Variants in OR2G6 observed in about 807,000 individuals in gnomAD.
The protein encoded by OR2G6 is olfactory receptor 2G6.
For missense variants in OR2G6, 457 were observed against 391.3 expected (o/e 1.17, Z -1.42); for synonymous variants, 183 against 155.2 (o/e 1.18, Z -1.33).
chr1:248,522,302 G>C lies in OR2G6; in HGVS notation c.656G>C (p.Gly219Ala), dbSNP rs902460589. The change falls in exon 2 of 2, where the codon GGC (glycine) becomes GCC (alanine). Residue 219 changes from glycine (G) to alanine (A), a missense_variant. Transcript: ENST00000641804. Reference sequence around the variant, plus strand: ...GTGTTACTCATCTTAGTCTCCTATGGCTTTATCACTCAAGCTGTGTTAAGG... The same window carrying C: ...GTGTTACTCATCTTAGTCTCCTATGCCTTTATCACTCAAGCTGTGTTAAGG... The part of the protein sequence containing the change: ...VPVLLILVSY[G>A]FITQAVLRIK... 8 of 1,614,128 alleles carry C rather than the reference G, an allele frequency of 5.0e-6. No individual in the cohort carries two copies. Among genetic ancestry groups the C allele is most frequent in the Non-Finnish European group, 6.8e-6 (8 of 1,180,034 alleles).
At position 248,522,345 on chromosome 1, in the gene OR2G6, C is replaced by T. The variant is rs965792185; in HGVS notation, c.699C>T (p.Gly233=). Residue 233 remains glycine (G), a synonymous_variant, in exon 2 of 2, where the codon GGC becomes GGT. Transcript: ENST00000641804. Reference sequence around the variant, plus strand: ...TGTTAAGGATAAAATCAGCTGCGGGCCGCCAAAAGGCCTTTGGGACCTGTT... The same window carrying T: ...TGTTAAGGATAAAATCAGCTGCGGGTCGCCAAAAGGCCTTTGGGACCTGTT... ...QAVLRIKSAA[G]RQKAFGTCSS... 1.2e-6 allele frequency: 2 copies of T among 1,614,196 alleles called. No homozygotes were observed. The highest frequency in any genetic ancestry group is 1.1e-5 in the South Asian group (1 of 91,084).
intron 1 of OR2G6, among the ~76,000 whole-genome samples, chr1:248,520,427 A>T (rs1378896220): frequency 2.0e-5 from 3 of 152,206 alleles, no homozygotes; most frequent in Non-Finnish European, 4.4e-5. Context: ...TTTAAAAAAA[A>T]GTTTGCTTTG....
rs914742011 is a variant in OR2G6 at position 248,526,711 on chromosome 1, T to G, written c.*4114T>G. Reference sequence around the variant, plus strand: ...CCATTCTAACTGGTGTGAGATGATATCTCATTGTGGTTTTGATTTGCATTT... The same window carrying G: ...CCATTCTAACTGGTGTGAGATGATAGCTCATTGTGGTTTTGATTTGCATTT... On this transcript the variant is annotated 3_prime_UTR_variant, in exon 2 of 2. Coordinates refer to ENST00000641804, the MANE Select transcript of OR2G6 (RefSeq NM_001013355.2). The G allele has an allele frequency of 1.2e-5, 1 of 82,914 alleles. No homozygotes were observed. The highest frequency in any genetic ancestry group is 1.4e-4 in the Admixed American group (1 of 7,098). The allele number at this position is 82,914 out of a possible 1,614,324, so 5.1% of individuals were successfully genotyped here. A position where few individuals can be genotyped will look rare whatever the true frequency, so the allele number is the denominator to read the frequency against.
rs376681900 is a variant in OR2G6 at position 248,521,994 on chromosome 1, C to T, written c.348C>T (p.Ala116=). 158 of 1,614,134 alleles carry T rather than the reference C, an allele frequency of 9.8e-5. 3 individuals carry two copies. The highest frequency in any genetic ancestry group is 6.7e-4 in the East Asian group (30 of 44,882). The change falls in exon 2 of 2, where the codon GCC becomes GCT. Residue 116 remains alanine, a synonymous_variant. Transcript: ENST00000641804. The part of the protein sequence containing the change: ...GLGSSECILL[A]VMAYDRYAAV... ...GCTCGTCTGAGTGTATTCTCTTGGC[C>T]GTCATGGCTTATGACCGCTATGCTG...
In OR2G6 at chr1:248,527,132, A is replaced by G. The variant is rs111326685; in HGVS notation, c.*4535A>G. 1.3e-5 allele frequency: 2 copies of G among 152,142 alleles called. No individual in the cohort carries two copies. The highest frequency in any genetic ancestry group is 2.9e-5 in the Non-Finnish European group (2 of 68,030). The allele number at this position is 152,142 out of a possible 1,614,324, so 9.4% of individuals were successfully genotyped here. On this transcript the variant is annotated 3_prime_UTR_variant, in exon 2 of 2. Transcript: ENST00000641804. The stretch of plus-strand genomic sequence containing the variant: ...GGGTTTTTATGGTTTTAGGTCTAAC[A>G]TTTACGTCTTTAATCCATCTTGAAT...
In OR2G6 at chr1:248,522,270, T is replaced by C; in HGVS notation, c.624T>C (p.Ile208=). 1.2e-6 allele frequency: 2 copies of C among 1,614,192 alleles called. No homozygotes were observed. The highest frequency in any genetic ancestry group is 1.1e-5 in the South Asian group (1 of 91,086). The stretch of plus-strand genomic sequence containing the variant: ...TTGTGGCCAGTGTAGTCTTTCTAAT[T>C]GTCCCGGTGTTACTCATCTTAGTCT... ...ELFVASVVFL[I]VPVLLILVSY... The change falls in exon 2 of 2, where the codon ATT becomes ATC. Residue 208 remains isoleucine, a synonymous_variant. Coordinates refer to ENST00000641804, the MANE Select transcript of OR2G6 (RefSeq NM_001013355.2).
At position 248,523,858 on chromosome 1, in the gene OR2G6, A is replaced by G. The variant is rs1309912449; in HGVS notation, c.*1261A>G. On this transcript the variant is annotated 3_prime_UTR_variant, in exon 2 of 2. Transcript: ENST00000641804. ...CATATTCTCATTATGATACACATGA[A>G]AAAAGCATGAAAACATCAATGCAAA... The G allele has an allele frequency of 6.6e-6, 1 of 152,230 alleles. No individual in the cohort carries two copies. The highest frequency in any genetic ancestry group is 1.5e-5 in the Non-Finnish European group (1 of 68,036). 9.4% of individuals were successfully genotyped at this position (152,230 alleles called of 1,614,324 possible).
At chr1:248,509,139 C>T (rs866914848) in intron 1 of OR2G6, among the ~76,000 whole-genome samples, 12 of 25,650 alleles carry the variant, frequency 4.7e-4, no homozygotes, top group African/African-American at 3.5e-3. Flanking sequence ...ACTCCAGGCA[C>T]GGTGCTGCAC....
At position 248,522,161 on chromosome 1, in the gene OR2G6, G is replaced by A. The variant is rs375204402; in HGVS notation, c.515G>A (p.Arg172His). The stretch of plus-strand genomic sequence containing the variant: ...GTGCAGCTGCCCCTCTGTGGTCATC[G>A]CACACTGGATCATATTTTCTGTGAG... ...LTVQLPLCGH[R>H]TLDHIFCEVP... Residue 172 changes from arginine to histidine, a missense_variant, in exon 2 of 2, where the codon CGC (arginine) becomes CAC (histidine). Physicochemically the swap from Arg to His is conservative, Grantham distance 29. Transcript: ENST00000641804. 2.4e-5 allele frequency: 39 copies of A among 1,613,874 alleles called. No homozygotes were observed. Among genetic ancestry groups the A allele is most frequent in the Middle Eastern group, 1.6e-4 (1 of 6,084 alleles).
rs1322907678 is a variant in OR2G6 at position 248,522,280 on chromosome 1, T to C, written c.634T>C (p.Leu212=). 5 of 1,614,046 alleles carry C rather than the reference T, an allele frequency of 3.1e-6. No individual in the cohort carries two copies. In the South Asian group the frequency reaches 5.5e-5, roughly 18 times the overall value. Residue 212 remains leucine, a synonymous_variant, in exon 2 of 2, where the codon TTA becomes CTA. Coordinates refer to ENST00000641804, the MANE Select transcript of OR2G6 (RefSeq NM_001013355.2). ...ASVVFLIVPV[L]LILVSYGFIT... Reference sequence around the variant, plus strand: ...TGTAGTCTTTCTAATTGTCCCGGTGTTACTCATCTTAGTCTCCTATGGCTT... The same window carrying C: ...TGTAGTCTTTCTAATTGTCCCGGTGCTACTCATCTTAGTCTCCTATGGCTT...
At position 248,522,118 on chromosome 1, in the gene OR2G6, ATTCAGTGCTCCCTCACTGTGCAGCT is replaced by A. The variant is rs568353162; in HGVS notation, c.473_497del (p.Ile158SerfsTer39). ...GCTCAGCGGCCTCATCACCTCCCTA[ATTCAGTGCTCCCTCACTGTGCAGCT>A]GCCCCTCTGTGGTCATCGCACACTG... On this transcript the variant is annotated frameshift_variant, in exon 2 of 2. Coordinates refer to ENST00000641804, the MANE Select transcript of OR2G6 (RefSeq NM_001013355.2). LOFTEE classifies it low-confidence loss of function (END_TRUNC). 5.6e-4 allele frequency: 908 copies of A among 1,613,968 alleles called. 13 individuals are homozygous for A. In the South Asian group the frequency reaches 9.3e-3, roughly 16 times the overall value.
chr1:248,521,751 C>A lies in OR2G6; in HGVS notation c.105C>A (p.Tyr35Ter). ...RFLFAIILYF[Y>*]VLSLLGNTAL... ...TTTTTGCCATCATTTTGTACTTCTA[C>A]GTCTTGAGCCTTCTGGGGAACACTG... The change falls in exon 2 of 2, where the codon TAC becomes TAA. Residue 35 changes from tyrosine to a stop codon, truncating the protein, a stop_gained. Transcript: ENST00000641804. LOFTEE classifies it low-confidence loss of function (END_TRUNC). 6.2e-7 allele frequency: 1 copy of A among 1,614,050 alleles called. No homozygotes were observed. The highest frequency in any genetic ancestry group is 8.5e-7 in the Non-Finnish European group (1 of 1,179,938).
intron 1 of OR2G6, among the ~76,000 whole-genome samples, chr1:248,520,067 A>G (rs1558370948): frequency 1.3e-5 from 2 of 152,226 alleles, no homozygotes; most frequent in Admixed American, 6.5e-5. Flanking sequence ...AGTGTGGCAC[A>G]TATACACCAT....
Position 248,525,329 on chromosome 1 carries a change from A to G in OR2G6, c.*2732A>G, listed in dbSNP as rs1439154200. On this transcript the variant is annotated 3_prime_UTR_variant, in exon 2 of 2. Transcript: ENST00000641804. ...CGTTTTCAAAGGATGCGCCAAGAAAAAAACTATCACTTAGTTAAATGACCA... is the reference window on the plus strand; with the variant it reads ...CGTTTTCAAAGGATGCGCCAAGAAAGAAACTATCACTTAGTTAAATGACCA... 1.3e-5 allele frequency: 2 copies of G among 152,216 alleles called. No homozygotes were observed. Among genetic ancestry groups the G allele is most frequent in the South Asian group, 2.1e-4 (1 of 4,834 alleles). The allele number at this position is 152,216 out of a possible 1,614,324, so 9.4% of individuals were successfully genotyped here.
chr1:248,522,694 A>T lies in OR2G6; in HGVS notation c.*97A>T. ...TCTTGTCAATCCCAAAGCCACAGGG[A>T]CTAGGAAGCATTGGAATTCTAAAGA... On this transcript the variant is annotated 3_prime_UTR_variant, in exon 2 of 2. Transcript: ENST00000641804. The T allele has an allele frequency of 1.3e-6, 1 of 757,560 alleles. No individual in the cohort carries two copies. The highest frequency in any genetic ancestry group is 1.9e-5 in the South Asian group (1 of 52,804). The allele number at this position is 757,560 out of a possible 1,614,324, so 46.9% of individuals were successfully genotyped here.
rs749524447 is a variant in OR2G6 at position 248,522,030 on chromosome 1, G to A, written c.384G>A (p.Arg128=). 6.2e-7 allele frequency: 1 copy of A among 1,614,110 alleles called. No individual in the cohort carries two copies. The highest frequency in any genetic ancestry group is 1.1e-5 in the South Asian group (1 of 91,070). ...MAYDRYAAVC[R]PLRYIAIMHP... The stretch of plus-strand genomic sequence containing the variant: ...ATGACCGCTATGCTGCTGTCTGCCG[G>A]CCACTGCGCTACATAGCCATTATGC... Residue 128 remains arginine, a synonymous_variant, in exon 2 of 2, where the codon CGG becomes CGA. Transcript: ENST00000641804.
In OR2G6 at chr1:248,523,135, T is replaced by C. The variant is rs1368125258; in HGVS notation, c.*538T>C. On this transcript the variant is annotated 3_prime_UTR_variant, in exon 2 of 2. Coordinates refer to ENST00000641804, the MANE Select transcript of OR2G6 (RefSeq NM_001013355.2). ...CACACTACCATTTCTACATTTCACA[T>C]TTGAGATATATGTATACATATATCT... The C allele has an allele frequency of 6.4e-6, 1 of 155,996 alleles. No homozygotes were observed. The highest frequency in any genetic ancestry group is 2.4e-5 in the African/African-American group (1 of 41,476). 9.7% of individuals were successfully genotyped at this position (155,996 alleles called of 1,614,324 possible).
In OR2G6 at chr1:248,521,947, C is replaced by A; in HGVS notation, c.301C>A (p.Leu101Ile). ...TMSYGGCVAQ[L>I]YVAMGLGSSE... ...GAGCTACGGTGGCTGTGTGGCCCAG[C>A]TCTATGTGGCCATGGGGTTGGGCTC... The change falls in exon 2 of 2, where the codon CTC becomes ATC. Residue 101 changes from leucine to isoleucine, a missense_variant. By Grantham distance (5) the Leu-to-Ile change is conservative. Coordinates refer to ENST00000641804, the MANE Select transcript of OR2G6 (RefSeq NM_001013355.2). 6.2e-7 allele frequency: 1 copy of A among 1,614,166 alleles called. No homozygotes were observed. The highest frequency in any genetic ancestry group is 1.1e-5 in the South Asian group (1 of 91,082).
rs1659139685 is a variant in OR2G6, at chr1:248,526,919, A to C, written c.*4322A>C. ...CTTTGTCAGATGAGTAGACTGCAAA[A>C]ATTTTCTCCCATTCTCTAGGTTGCC... is the stretch of plus-strand genomic sequence containing the variant. On this transcript the variant is annotated 3_prime_UTR_variant, in exon 2 of 2. Coordinates refer to ENST00000641804, the MANE Select transcript of OR2G6 (RefSeq NM_001013355.2). 1 of 152,016 alleles carries C rather than the reference A, an allele frequency of 6.6e-6. No individual in the cohort carries two copies. The highest frequency in any genetic ancestry group is 1.5e-5 in the Non-Finnish European group (1 of 68,008). 9.4% of individuals were successfully genotyped at this position (152,016 alleles called of 1,614,324 possible). A position where few individuals can be genotyped will look rare whatever the true frequency, so the allele number is the denominator to read the frequency against.
Sources: gnomAD v4.1 joint callset for allele counts (sites outside exome capture counted in the v4.1 genomes callset) on GRCh38, gnomAD v4.1.1 for gene constraint, MANE v1.5 for transcripts, NCBI Gene and HGNC (gene_info 2026-07-23, HGNC 2026-07-21) for gene names.